Variants in GDA observed in about 807,000 individuals in gnomAD.
GDA encodes the protein cytoplasmic PSD-95 interactor.
In GDA, 18 loss-of-function variants were observed where a neutral mutation model predicts 59.6. That is an observed-to-expected ratio of 0.30 (90% CI 0.21 to 0.45). The LOEUF (loss-of-function observed/expected upper bound fraction) is 0.45. Ranked by LOEUF, GDA falls within the 20% of genes least tolerant of loss-of-function variation. The pLI is 1.00. For synonymous variants in GDA, 201 were observed against 201.1 expected (o/e 1.00, Z 0.00); for missense variants, 427 against 552.3 (o/e 0.77, Z 2.27).
chr9:72,242,015 A>G (rs1244696522), intron 11 of GDA, among the ~76,000 whole-genome samples: 3 of 152,220 alleles, frequency 2.0e-5, no homozygotes, highest in Admixed American at 2.0e-4. Context: ...TTCCCCTGTG[A>G]TAAGAATCAT....
chr9:72,237,827 T>C (rs898156228), intron 10 of GDA, among the ~76,000 whole-genome samples: 1 of 152,100 alleles, frequency 6.6e-6, no homozygotes, highest in Admixed American at 6.6e-5. Context: ...CCCAGCACAA[T>C]GCCCAACCTC....
intron 1 of GDA, among the ~76,000 whole-genome samples, chr9:72,131,689 C>T (rs1564149794): frequency 6.6e-6 from 1 of 152,020 alleles, no homozygotes; most frequent in Admixed American, 6.6e-5. Context: ...ATTCCAAGGC[C>T]TCTCTACAAG....
chr9:72,217,493 G>A (rs1836281706), intron 5 of GDA, among the ~76,000 whole-genome samples: 1 of 152,200 alleles, frequency 6.6e-6, no homozygotes, highest in Non-Finnish European at 1.5e-5. Context: ...AATGCACTGA[G>A]GCATTCTTCC....
chr9:72,217,840 T>C (rs906640302), intron 5 of GDA, among the ~76,000 whole-genome samples: 1 of 152,220 alleles, frequency 6.6e-6, no homozygotes, highest in Non-Finnish European at 1.5e-5. Context: ...TCTTATATTT[T>C]AAAATGGCAT....
At chr9:72,144,886 A>T (rs879195323), upstream of GDA, among the ~76,000 whole-genome samples, 3 of 150,988 alleles carry the variant, frequency 2.0e-5, no homozygotes, top group African/African-American at 7.3e-5. Context: ...TTTTTGGTGT[A>T]TCTTTTTTTT....
At position 72,164,325 on chromosome 9, in the gene GDA, T is replaced by C. The variant is rs182637406; in HGVS notation, c.123+14643T>C. 1.6e-4 allele frequency among the ~76,000 whole-genome samples: 25 copies of C among 152,152 alleles called. 1 individual carries two copies. The highest frequency in any genetic ancestry group is 1.5e-3 in the Admixed American group (23 of 15,288). On this transcript the variant is annotated intron_variant, in intron 1 of 13. Transcript: ENST00000358399. The stretch of plus-strand genomic sequence containing the variant: ...ATAGAAGGCAAGAGATGGGGATACT[T>C]CAAGATGGAGGGAGCAGTGCAGGTG...
chr9:72,241,276 A>G lies in GDA; in HGVS notation c.1113A>G (p.Leu371=), dbSNP rs752524350. ...KSLTLKEVFR[L]ATLGGSQALG... is the part of the protein sequence containing the mutation. ...TCACCCTCAAAGAAGTCTTCAGACT[A>G]GCTACTCTTGGAGGAAGCCAAGGTA... The change falls in exon 11 of 14, where the codon CTA becomes CTG. Residue 371 remains leucine (L), a synonymous_variant. Transcript: ENST00000358399. The G allele has an allele frequency of 4.4e-6, 7 of 1,604,532 alleles. No individual in the cohort carries two copies. In the South Asian group the frequency reaches 7.8e-5, roughly 18 times the overall value.
At chr9:72,192,464 T>C (rs1232768782) in intron 1 of GDA, among the ~76,000 whole-genome samples, 1 of 150,550 alleles carries the variant, frequency 6.6e-6, no homozygotes, top group Non-Finnish European at 1.5e-5. Flanking sequence ...ACTCCTGACC[T>C]CGTGATTCAC....
intron 1 of GDA, among the ~76,000 whole-genome samples, chr9:72,122,984 C>G (rs1036805267): frequency 2.0e-5 from 3 of 152,132 alleles, no homozygotes; most frequent in African/African-American, 7.2e-5. Context: ...GTTTTCTAAT[C>G]ATTATTTTCT....
At chr9:72,142,468 G>A (rs997413220) in intron 1 of GDA, among the ~76,000 whole-genome samples, 3 of 151,702 alleles carry the variant, frequency 2.0e-5, no homozygotes, top group African/African-American at 7.3e-5. Flanking sequence ...AGCTACTCGG[G>A]AGGCTGAGGC....
intron 11 of GDA, among the ~76,000 whole-genome samples, chr9:72,243,575 A>G (rs1839848722): frequency 2.6e-5 from 4 of 152,234 alleles, no homozygotes; most frequent in African/African-American, 9.6e-5. Flanking sequence ...GTCCTTTCCC[A>G]TACAATTAGT....
At chr9:72,170,487 A>C (rs11143143) in intron 1 of GDA, among the ~76,000 whole-genome samples, 2,232 of 152,136 alleles carry the variant, frequency 0.015, 56 homozygotes, top group African/African-American at 0.052. Flanking sequence ...TCGCTGAGCT[A>C]TATAAAAGGG....
At chr9:72,202,778 G>T in intron 3 of GDA, 36 bp downstream of exon 3, 1 of 1,492,086 alleles carries the variant, frequency 6.7e-7, no homozygotes, top group South Asian at 1.2e-5. Flanking sequence ...TATTCTGTTT[G>T]GTCATCTATA....
At chr9:72,133,308 A>AAAT (rs1554722433) in intron 1 of GDA, among the ~76,000 whole-genome samples, 1,308 of 101,446 alleles carry the variant, frequency 0.013, 85 homozygotes, top group Middle Eastern at 0.042. Flanking sequence ...AAAAAAAAAA[A>AAAT]AATAATAATA....
At chr9:72,256,481 T>G (rs1373550364), downstream of GDA, among the ~76,000 whole-genome samples, 2 of 152,176 alleles carry the variant, frequency 1.3e-5, no homozygotes, top group Non-Finnish European at 2.9e-5. Context: ...GTTGGGTACA[T>G]AGTCCGCAGA....
At chr9:72,167,031 G>T (rs1829399877) in intron 1 of GDA, among the ~76,000 whole-genome samples, 1 of 152,084 alleles carries the variant, frequency 6.6e-6, no homozygotes, top group East Asian at 1.9e-4. Context: ...ACAGGTTTTT[G>T]TTGTTGTTGT....
chr9:72,150,127 C>T (rs1373204224), intron 1 of GDA, among the ~76,000 whole-genome samples: 1 of 152,120 alleles, frequency 6.6e-6, no homozygotes, highest in Non-Finnish European at 1.5e-5. Flanking sequence ...AGGAGGGGGT[C>T]ATTTGATTGA....
At chr9:72,221,442 TCCA>T (rs1300927132) in intron 6 of GDA, among the ~76,000 whole-genome samples, 1 of 152,092 alleles carries the variant, frequency 6.6e-6, no homozygotes, top group African/African-American at 2.4e-5. Flanking sequence ...ACCCCGTACT[TCCA>T]CCGACTGTTA....
chr9:72,243,697 C>T (rs2131815068), intron 11 of GDA, among the ~76,000 whole-genome samples: 1 of 152,196 alleles, frequency 6.6e-6, no homozygotes, highest in Non-Finnish European at 1.5e-5. Context: ...AAAAGAGTTG[C>T]CCTTTAAAGA....
Sources: gnomAD v4.1 joint callset for allele counts (sites outside exome capture counted in the v4.1 genomes callset) on GRCh38, gnomAD v4.1.1 for gene constraint, MANE v1.5 for transcripts, NCBI Gene and HGNC (gene_info 2026-07-23, HGNC 2026-07-21) for gene names.